The following NECTIN1 variants were observed in gnomAD, a reference collection of about 807,000 sequenced individuals.
The protein encoded by NECTIN1 is nectin-1.
In NECTIN1, 23 loss-of-function variants were observed where a neutral mutation model predicts 48.0. The ratio of observed to expected loss-of-function variants is 0.48; its 90% CI spans 0.34 to 0.68. NECTIN1 has a LOEUF of 0.68. NECTIN1 is among the 30% of genes least tolerant of loss of function. The pLI is 0.01. For missense variants in NECTIN1, 591 were observed against 709.9 expected (o/e 0.83, Z 1.90); for synonymous variants, 270 against 288.9 (o/e 0.93, Z 0.66).
At chr11:119,688,442 G>T (rs143063159) in intron 1 of NECTIN1, among the ~76,000 whole-genome samples, 2 of 151,888 alleles carry the variant, frequency 1.3e-5, no homozygotes, top group African/African-American at 4.8e-5. Flanking sequence ...CATTTTGGAG[G>T]GGGGGACTGT....
chr11:119,697,211 G>C (rs1407451935), intron 1 of NECTIN1, among the ~76,000 whole-genome samples: 2 of 152,182 alleles, frequency 1.3e-5, no homozygotes, highest in South Asian at 2.1e-4. Flanking sequence ...GCCGAGAGAG[G>C]GGGGTAGGGA....
intron 1 of NECTIN1, chr11:119,714,063 C>T (rs1865706729): frequency 3.2e-6 from 1 of 309,074 alleles, no homozygotes; most frequent in Admixed American, 4.4e-5. Flanking sequence ...TCAGATTCTC[C>T]AGGGGTAAGA....
intron 5 of NECTIN1, among the ~76,000 whole-genome samples, chr11:119,674,875 A>G (rs1288359923): frequency 6.6e-6 from 1 of 152,124 alleles, no homozygotes; most frequent in East Asian, 1.9e-4. Flanking sequence ...GGCAGGTTCT[A>G]TTGGCCCCCA....
intron 5 of NECTIN1, among the ~76,000 whole-genome samples, chr11:119,643,983 C>T (rs1186305267): frequency 3.3e-5 from 5 of 152,230 alleles, no homozygotes; most frequent in Non-Finnish European, 5.9e-5. Context: ...ACAGCTAGGG[C>T]CGCCACAGCT....
chr11:119,716,775 AG>A (rs1335134281), intron 1 of NECTIN1, among the ~76,000 whole-genome samples: 1 of 152,282 alleles, frequency 6.6e-6, no homozygotes, highest in East Asian at 1.9e-4. Context: ...CAACCCCAGG[AG>A]GGGGGTGAGG....
intron 1 of NECTIN1, among the ~76,000 whole-genome samples, chr11:119,685,496 T>A (rs964173076): frequency 6.6e-6 from 1 of 152,226 alleles, no homozygotes; most frequent in Non-Finnish European, 1.5e-5. Context: ...GGGGGTGCTC[T>A]GGCAAGTCCC....
intron 5 of NECTIN1, chr11:119,641,010 C>A (rs1481397388): frequency 6.6e-6 from 1 of 152,252 alleles, no homozygotes; most frequent in Non-Finnish European, 1.5e-5. Context: ...CAAGTCCCTT[C>A]CACTCACTCA....
chr11:119,655,217 C>A (rs976302931), intron 5 of NECTIN1, among the ~76,000 whole-genome samples: 2 of 145,972 alleles, frequency 1.4e-5, no homozygotes, highest in East Asian at 4.0e-4. Flanking sequence ...GGGTAACAGA[C>A]TTTTTTTTTT....
chr11:119,640,254 G>C (rs1422339953), intron 5 of NECTIN1: 1 of 566,920 alleles, frequency 1.8e-6, no homozygotes, highest in Non-Finnish European at 3.2e-6. Context: ...GGGATCTGGG[G>C]CATGGAGGTA....
Position 119,664,576 on chromosome 11 carries a change from C to T in NECTIN1, c.*171G>A, listed in dbSNP as rs555276333. The T allele has an allele frequency of 1.4e-6, 2 of 1,435,718 alleles. No homozygotes were observed. The highest frequency in any genetic ancestry group is 2.5e-5 in the East Asian group (1 of 39,788). The allele number at this position is 1,435,718 out of a possible 1,614,324, so 88.9% of individuals were successfully genotyped here. A position where few individuals can be genotyped will look rare whatever the true frequency, so the allele number is the denominator to read the frequency against. On this transcript the variant is annotated 3_prime_UTR_variant, in exon 6 of 6. Coordinates refer to ENST00000264025, the MANE Select transcript of NECTIN1 (RefSeq NM_002855.5). Reference sequence around the variant, plus strand: ...GAGAGGGAGGAAATAAAACACAAAGCCAAGTCGTGGCTGCCCTGGGCTCCC... The same window carrying T: ...GAGAGGGAGGAAATAAAACACAAAGTCAAGTCGTGGCTGCCCTGGGCTCCC...
At chr11:119,713,864 G>C (rs1049279710) in intron 1 of NECTIN1, 16 of 455,912 alleles carry the variant, frequency 3.5e-5, no homozygotes, top group Non-Finnish European at 6.2e-5. Flanking sequence ...TCCTGGGCCC[G>C]GCGTTGCTTG....
chr11:119,678,661 T>C lies in NECTIN1; in HGVS notation c.184A>G (p.Ile62Val). 1.2e-6 allele frequency: 2 copies of C among 1,614,004 alleles called. No homozygotes were observed. The highest frequency in any genetic ancestry group is 1.7e-6 in the Non-Finnish European group (2 of 1,180,002). The change falls in exon 2 of 6, where the codon ATC becomes GTC. Residue 62 changes from isoleucine (I) to valine (V), a missense_variant. Ile to Val is a conservative substitution (Grantham distance 29). Coordinates refer to ENST00000264025, the MANE Select transcript of NECTIN1 (RefSeq NM_002855.5). The surrounding 1 kb of genome is among the most constrained non-coding windows in gnomAD (Gnocchi z 4.4). ...GACTTCTGCCATGTGACCTGGGTGATCTTCACGCTGGGAAGCGGGTTGGCA... is the reference window on the plus strand; with the variant it reads ...GACTTCTGCCATGTGACCTGGGTGACCTTCACGCTGGGAAGCGGGTTGGCA... ...SFANPLPSVK[I>V]TQVTWQKSTN...
intron 1 of NECTIN1, among the ~76,000 whole-genome samples, chr11:119,682,018 G>A (rs1288989539): frequency 6.6e-6 from 1 of 152,150 alleles, no homozygotes; most frequent in African/African-American, 2.4e-5. Flanking sequence ...GAGTTCTGGA[G>A]TTGGGAGGTG....
chr11:119,693,601 G>A (rs1865297618), intron 1 of NECTIN1, among the ~76,000 whole-genome samples: 1 of 152,170 alleles, frequency 6.6e-6, no homozygotes, highest in Admixed American at 6.5e-5. Flanking sequence ...GGAAGTGGCA[G>A]CAGGTGCTCA....
chr11:119,699,405 C>T (rs967693746), intron 1 of NECTIN1, among the ~76,000 whole-genome samples: 7 of 152,194 alleles, frequency 4.6e-5, no homozygotes, highest in Non-Finnish European at 1.0e-4. Flanking sequence ...AGCCCAGCTC[C>T]TCCCTCTCTC....
At chr11:119,713,458 A>G (rs1436685127) in intron 1 of NECTIN1, 1 of 167,138 alleles carries the variant, frequency 6.0e-6, no homozygotes, top group African/African-American at 2.4e-5. Context: ...TGAGGCCCCA[A>G]TTCCTGGCCT....
At chr11:119,647,859 C>T (rs895841070) in intron 5 of NECTIN1, among the ~76,000 whole-genome samples, 3 of 151,828 alleles carry the variant, frequency 2.0e-5, no homozygotes, top group Non-Finnish European at 4.4e-5. Context: ...GATCAGGAGT[C>T]TGAGACCAGC....
chr11:119,639,442 A>T (rs1049494520), intron 6 of NECTIN1: 1 of 231,282 alleles, frequency 4.3e-6, no homozygotes, highest in South Asian at 7.1e-5. Context: ...CTGATGGTTG[A>T]GGGTTTTGGC....
At chr11:119,713,246 A>T (rs1865686029) in intron 1 of NECTIN1, among the ~76,000 whole-genome samples, 1 of 152,046 alleles carries the variant, frequency 6.6e-6, no homozygotes, top group African/African-American at 2.4e-5. Context: ...AGGGCTGTGG[A>T]GGGACAGAGG....
Sources: gnomAD v4.1 joint callset for allele counts (sites outside exome capture counted in the v4.1 genomes callset) on GRCh38, gnomAD v4.1.1 for gene constraint, Gnocchi (gnomAD v3.1) non-coding constraint, MANE v1.5 for transcripts, NCBI Gene and HGNC (gene_info 2026-07-23, HGNC 2026-07-21) for gene names.